The following SNX8 variants were observed in gnomAD, a reference collection of about 807,000 sequenced individuals.
SNX8 encodes sorting nexin 8, also known as sorting nexin-8.
Under a neutral mutation model 51.6 loss-of-function variants are expected in SNX8, and 25 were observed. The observed-to-expected ratio is 0.48, with a 90% CI of 0.35 to 0.68. The LOEUF (loss-of-function observed/expected upper bound fraction) is 0.68. Among genes scored for constraint, SNX8 ranks in the 30% least tolerant of loss-of-function variants. The pLI is 0.00. For missense variants in SNX8, 695 were observed against 624.0 expected (o/e 1.11, Z -1.21); for synonymous variants, 324 against 277.0 (o/e 1.17, Z -1.68).
chr7:2,263,469 AC>A lies in SNX8; in HGVS notation c.783-108del, dbSNP rs1374841075. ...GATGTCCTCCACGGCAACCTGCGTG[AC>A]CCCGTCCTAGGACCCTGCTGCTCAA... On this transcript the variant is annotated intron_variant, in intron 6 of 10. Transcript: ENST00000222990. 3.4e-6 allele frequency: 4 copies of A among 1,161,504 alleles called. No individual in the cohort carries two copies. In the East Asian group the frequency reaches 1.0e-4, roughly 30 times the overall value. 71.9% of individuals were successfully genotyped at this position (1,161,504 alleles called of 1,614,324 possible).
At chr7:2,314,557 C>T (rs1230290100), upstream of SNX8, 2 of 887,658 alleles carry the variant, frequency 2.3e-6, no homozygotes, top group Middle Eastern at 4.9e-4. Flanking sequence ...TCCGCCCCTG[C>T]GGGCCCGCCG....
chr7:2,296,417 T>C (rs754380701), intron 1 of SNX8, among the ~76,000 whole-genome samples: 1 of 152,030 alleles, frequency 6.6e-6, no homozygotes, highest in African/African-American at 2.4e-5. Context: ...CTGATTTGTG[T>C]ATACTGATTT....
At chr7:2,312,745 C>A (rs1243347540) in intron 1 of SNX8, among the ~76,000 whole-genome samples, 2 of 150,904 alleles carry the variant, frequency 1.3e-5, no homozygotes, top group African/African-American at 4.9e-5. Context: ...AAGGGGATTC[C>A]CCAATCTTGT....
rs1237307627 is a variant in SNX8, at chr7:2,257,819, G to T, written c.916-16C>A. The T allele has an allele frequency of 5.0e-6, 8 of 1,613,328 alleles. No homozygotes were observed. The highest frequency in any genetic ancestry group is 1.7e-4 in the Middle Eastern group (1 of 6,060). On this transcript the variant is annotated splice_polypyrimidine_tract_variant and intron_variant, in intron 7 of 10. Transcript: ENST00000222990. ...CCTGCTTACCCTGGAAGGCGAGGGG[G>T]AGCTCACCCACGCGGACGCACATAG... is the stretch of plus-strand genomic sequence containing the variant.
In SNX8 at chr7:2,262,479, G is replaced by A. The variant is rs80107767; in HGVS notation, c.915+751C>T. Among the ~76,000 whole-genome samples the A allele has an allele frequency of 4.5e-3, 690 of 152,264 alleles. 4 individuals carry two copies. Among genetic ancestry groups the A allele is most frequent in the African/African-American group, 0.016 (669 of 41,522 alleles). The stretch of plus-strand genomic sequence containing the variant: ...ATCAGCTTCTGCCCATGCAGCAGGA[G>A]CACTGCCTGAGGTTGTGTGTGGAGC... On this transcript the variant is annotated intron_variant, in intron 7 of 10. Transcript: ENST00000222990.
rs750123120 is a variant in SNX8 at position 2,275,154 on chromosome 7, A to G, written c.376T>C (p.Tyr126His). 6.2e-7 allele frequency: 1 copy of G among 1,614,088 alleles called. No homozygotes were observed. The highest frequency in any genetic ancestry group is 1.1e-5 in the South Asian group (1 of 91,084). ...GGTGGCAGGGCAGGCACCATACGGT[A>G]GGGGAACTTGTGCAGGAGCATCTCC... ...FQEMLLHKFP[Y>H]RMVPALPPKR... Residue 126 changes from tyrosine to histidine, a missense_variant, in exon 3 of 11, where the codon TAC becomes CAC. Coordinates refer to ENST00000222990, the MANE Select transcript of SNX8 (RefSeq NM_013321.4).
chr7:2,277,496 G>A (rs1463158533), intron 2 of SNX8, among the ~76,000 whole-genome samples: 1 of 152,154 alleles, frequency 6.6e-6, no homozygotes, highest in African/African-American at 2.4e-5. Flanking sequence ...GTCCGCGGGA[G>A]ATTCCTAAGA....
intron 1 of SNX8, among the ~76,000 whole-genome samples, chr7:2,279,855 T>C (rs548853100): frequency 6.6e-6 from 1 of 151,864 alleles, no homozygotes; most frequent in African/African-American, 2.4e-5. Context: ...ATCAAATCAG[T>C]CTTAACCTTG....
At chr7:2,290,828 C>T (rs140330185) in intron 1 of SNX8, among the ~76,000 whole-genome samples, 1 of 152,228 alleles carries the variant, frequency 6.6e-6, no homozygotes, top group Non-Finnish European at 1.5e-5. Flanking sequence ...CTTCCCTCCT[C>T]CACCACGGCC....
In SNX8 at chr7:2,264,473, G is replaced by C. The variant is rs369066340; in HGVS notation, c.622-15C>G. 2.1e-5 allele frequency: 34 copies of C among 1,606,078 alleles called. No individual in the cohort carries two copies. The Middle Eastern group carries it at 5.0e-4, about 24-fold the overall frequency. On this transcript the variant is annotated splice_polypyrimidine_tract_variant and intron_variant, in intron 5 of 10. Transcript: ENST00000222990. ...GGGAGGAAGTCCTGACATCATGATG[G>C]GGGGAGAGACACTGTGTTAGTCGCT...
intron 7 of SNX8, among the ~76,000 whole-genome samples, chr7:2,261,581 G>A (rs755995525): frequency 1.1e-4 from 16 of 152,306 alleles, no homozygotes; most frequent in African/African-American, 2.6e-4. Flanking sequence ...GGGCCCTGAG[G>A]TCCTCTGTCT....
chr7:2,330,118 A>C (rs1436793133), intron 1 of SNX8, among the ~76,000 whole-genome samples: 1 of 139,730 alleles, frequency 7.2e-6, no homozygotes, highest in East Asian at 2.2e-4. Flanking sequence ...GGCATGAGCC[A>C]CTGCGCCCGG....
At chr7:2,278,746 G>A (rs1361265056) in intron 1 of SNX8, among the ~76,000 whole-genome samples, 2 of 80,448 alleles carry the variant, frequency 2.5e-5, no homozygotes, top group Non-Finnish European at 4.9e-5. Context: ...CTCACACTAC[G>A]GAGTCGAAGC....
intron 1 of SNX8, among the ~76,000 whole-genome samples, chr7:2,347,495 A>G (rs1357324210): frequency 9.8e-4 from 49 of 50,000 alleles, no homozygotes; most frequent in Middle Eastern, 0.02. Context: ...AAAAAAAAAA[A>G]AAAAGAAAAA....
intron 1 of SNX8, among the ~76,000 whole-genome samples, chr7:2,345,504 C>A (rs151141007): frequency 5.4e-4 from 82 of 152,050 alleles, no homozygotes; most frequent in African/African-American, 1.9e-3. Context: ...GTGGAAAAAA[C>A]CCCATCTCTA....
At chr7:2,310,014 G>T in intron 1 of SNX8, 1 of 387,812 alleles carries the variant, frequency 2.6e-6, no homozygotes, top group Non-Finnish European at 5.2e-6. Flanking sequence ...GGAATGTATG[G>T]AATGCCATGG....
chr7:2,318,416 C>T (rs369401651), upstream of SNX8, among the ~76,000 whole-genome samples: 3 of 151,130 alleles, frequency 2.0e-5, no homozygotes, highest in African/African-American at 4.9e-5. Flanking sequence ...CCCAGCTACT[C>T]GGGAGGCTGA....
intron 1 of SNX8, among the ~76,000 whole-genome samples, chr7:2,298,290 T>A (rs1021137936): frequency 2.4e-4 from 36 of 152,052 alleles, no homozygotes; most frequent in African/African-American, 7.5e-4. Flanking sequence ...GCTAACTTTT[T>A]ATTTTTTTTG....
chr7:2,326,608 G>C (rs1778626683), intron 1 of SNX8, among the ~76,000 whole-genome samples: 1 of 152,102 alleles, frequency 6.6e-6, no homozygotes, highest in Non-Finnish European at 1.5e-5. Flanking sequence ...AGAGCTTGCA[G>C]TGAGCCGAGA....
Sources: gnomAD v4.1 joint callset for allele counts (sites outside exome capture counted in the v4.1 genomes callset) on GRCh38, gnomAD v4.1.1 for gene constraint, MANE v1.5 for transcripts, NCBI Gene and HGNC (gene_info 2026-07-23, HGNC 2026-07-21) for gene names.